CSMD1: variants seen among roughly 807,000 people sequenced by gnomAD.
The protein encoded by CSMD1 is CUB and Sushi multiple domains 1.
In CSMD1, 213 loss-of-function variants were observed where a neutral mutation model predicts 417.5. That is an observed-to-expected ratio of 0.51 (90% CI 0.46 to 0.57). The LOEUF (loss-of-function observed/expected upper bound fraction) is 0.57. Among genes scored for constraint, CSMD1 ranks in the 20% least tolerant of loss-of-function variants. CSMD1 has a pLI of 0.00. For synonymous variants in CSMD1, 2,862 were observed against 1,736.8 expected, an observed-to-expected ratio of 1.65 and a Z score of -16.11; for missense variants, 6,923 against 4,529.7, an observed-to-expected ratio of 1.53 and a Z score of -15.17.
intron 6 of CSMD1, among the ~76,000 whole-genome samples, chr8:3,751,228 T>G (rs533564398): frequency 6.6e-6 from 1 of 151,964 alleles, no homozygotes; most frequent in Non-Finnish European, 1.5e-5. Context: ...TCTTGATACC[T>G]TCATACCTTT....
chr8:4,234,726 T>G (rs1801942788), intron 3 of CSMD1, among the ~76,000 whole-genome samples: 1 of 152,190 alleles, frequency 6.6e-6, no homozygotes, highest in Admixed American at 6.5e-5. Flanking sequence ...GTGTCGCTGC[T>G]GCCGCTGAAA....
At chr8:3,927,658 A>C (rs1278236010) in intron 5 of CSMD1, among the ~76,000 whole-genome samples, 1 of 152,146 alleles carries the variant, frequency 6.6e-6, no homozygotes, top group East Asian at 1.9e-4. Flanking sequence ...GAGTGAAACA[A>C]GTGAAACTTC....
intron 3 of CSMD1, among the ~76,000 whole-genome samples, chr8:4,108,141 G>A (rs1415794391): frequency 2.0e-5 from 3 of 151,984 alleles, no homozygotes; most frequent in South Asian, 4.1e-4. Context: ...GGGAAGGGGA[G>A]AAGACAGAAG....
At chr8:4,831,456 G>A (rs1800142835) in intron 1 of CSMD1, among the ~76,000 whole-genome samples, 1 of 152,124 alleles carries the variant, frequency 6.6e-6, no homozygotes, top group Non-Finnish European at 1.5e-5. Flanking sequence ...CATTCTATGT[G>A]CCAAGCATTT....
chr8:4,647,434 ACGTAGGTATGCGTGTGCCACGGCG>A (rs1355260923), intron 1 of CSMD1, among the ~76,000 whole-genome samples: 1 of 148,304 alleles, frequency 6.7e-6, no homozygotes, highest in African/African-American at 2.6e-5. Context: ...GCGGCCTGCT[ACGTAGGTATGCGTGTGCCACGGCG>A]GCCTGCTACG....
chr8:4,750,249 C>T (rs920576628), intron 1 of CSMD1, among the ~76,000 whole-genome samples: 8 of 150,276 alleles, frequency 5.3e-5, no homozygotes, highest in Admixed American at 1.3e-4. Context: ...CATTGTGATC[C>T]GCCCGCCTCG....
intron 3 of CSMD1, among the ~76,000 whole-genome samples, chr8:4,163,030 C>T (rs1797259242): frequency 6.6e-6 from 1 of 152,164 alleles, no homozygotes; most frequent in Admixed American, 6.5e-5. Flanking sequence ...TAGTAACGTG[C>T]ACTTCAGTTC....
chr8:3,862,285 T>C (rs1416881803), intron 5 of CSMD1, among the ~76,000 whole-genome samples: 1 of 152,200 alleles, frequency 6.6e-6, no homozygotes, highest in Non-Finnish European at 1.5e-5. Context: ...CATTACCTCT[T>C]AGAACGAATT....
chr8:3,314,565 A>G (rs1331502633), intron 23 of CSMD1, among the ~76,000 whole-genome samples: 5 of 152,208 alleles, frequency 3.3e-5, no homozygotes, highest in Admixed American at 6.5e-5. Flanking sequence ...CAAAACTTGA[A>G]TGTATTTAGT....
At chr8:3,263,558 T>A (rs1305445032) in intron 26 of CSMD1, among the ~76,000 whole-genome samples, 1 of 152,186 alleles carries the variant, frequency 6.6e-6, no homozygotes, top group East Asian at 1.9e-4. Flanking sequence ...GGTAATACAT[T>A]CAAGTAATTT....
rs184443439 is a variant in CSMD1, at chr8:4,647,217, C to A, written c.86-9659G>T. ...ATACGTAACTTCAGAGTGTTTCGGG[C>A]GCCAGTTTGCTGTTTCTATTTTTTT... On this transcript the variant is annotated intron_variant, in intron 1 of 69. Coordinates refer to ENST00000635120, the MANE Select transcript of CSMD1 (RefSeq NM_033225.6). Among the ~76,000 whole-genome samples the A allele has an allele frequency of 2.6e-3, 397 of 150,630 alleles. 1 individual carries two copies. Among genetic ancestry groups the A allele is most frequent in the Non-Finnish European group, 3.0e-3 (204 of 67,880 alleles).
At chr8:4,809,013 A>G (rs1798746560) in intron 1 of CSMD1, among the ~76,000 whole-genome samples, 1 of 152,222 alleles carries the variant, frequency 6.6e-6, no homozygotes, top group Non-Finnish European at 1.5e-5. Context: ...GATCTTATTG[A>G]GTTGTCTTGC....
At chr8:3,436,162 C>A (rs186637616) in intron 12 of CSMD1, among the ~76,000 whole-genome samples, 6 of 152,052 alleles carry the variant, frequency 3.9e-5, no homozygotes, top group Non-Finnish European at 7.4e-5. Context: ...TTTATTACCA[C>A]CTGGGAGAAC....
At chr8:4,199,526 C>T (rs989469131) in intron 3 of CSMD1, among the ~76,000 whole-genome samples, 1 of 152,058 alleles carries the variant, frequency 6.6e-6, no homozygotes, top group African/African-American at 2.4e-5. Context: ...TAAATATAAG[C>T]GATCATCAGT....
chr8:4,319,460 C>A (rs1455095520), intron 3 of CSMD1, among the ~76,000 whole-genome samples: 1 of 152,120 alleles, frequency 6.6e-6, no homozygotes, highest in African/African-American at 2.4e-5. Context: ...ATAATAGCTA[C>A]TCCTTCTTAA....
intron 21 of CSMD1, among the ~76,000 whole-genome samples, chr8:3,353,647 A>G (rs1276935190): frequency 6.6e-6 from 1 of 152,212 alleles, no homozygotes; most frequent in African/African-American, 2.4e-5. Flanking sequence ...CAAAATTTCA[A>G]AAATTATTTG....
chr8:4,807,263 T>G (rs1348206825), intron 1 of CSMD1, among the ~76,000 whole-genome samples: 1 of 152,154 alleles, frequency 6.6e-6, no homozygotes, highest in African/African-American at 2.4e-5. Context: ...CAAACCTTAT[T>G]TCCCAGCCAC....
At chr8:4,399,084 T>G (rs1364069250) in intron 3 of CSMD1, among the ~76,000 whole-genome samples, 1 of 152,194 alleles carries the variant, frequency 6.6e-6, no homozygotes, top group Admixed American at 6.5e-5. Context: ...GCTGGTGACT[T>G]TTAGCCATGT....
chr8:4,100,077 G>T (rs1435264994), intron 3 of CSMD1, among the ~76,000 whole-genome samples: 3 of 151,988 alleles, frequency 2.0e-5, no homozygotes, highest in Non-Finnish European at 2.9e-5. Context: ...AAGAAATTTG[G>T]GTTAATCCAG....
Sources: gnomAD v4.1 joint callset for allele counts (sites outside exome capture counted in the v4.1 genomes callset) on GRCh38, gnomAD v4.1.1 for gene constraint, MANE v1.5 for transcripts, NCBI Gene and HGNC (gene_info 2026-07-23, HGNC 2026-07-21) for gene names.